DCHS2: variants seen among roughly 807,000 people sequenced by gnomAD.
DCHS2 encodes the protein dachsous cadherin-related 2, also known as protocadherin-23.
In DCHS2, 142 loss-of-function variants were observed where a neutral mutation model predicts 182.4. That is an observed-to-expected ratio of 0.78 (90% CI 0.68 to 0.89). The LOEUF (loss-of-function observed/expected upper bound fraction) is 0.89, where lower values mean the gene tolerates loss of function less well. Among genes scored for constraint, DCHS2 ranks in the 40% least tolerant of loss-of-function variants. The pLI is 0.00. For missense variants in DCHS2, 4,319 were observed against 4,198.6 expected (o/e 1.03, Z -0.79); for synonymous variants, 1,740 against 1,663.3 (o/e 1.05, Z -1.12).
At chr4:154,414,165 A>G (rs1732736775) in intron 1 of DCHS2, among the ~76,000 whole-genome samples, 1 of 149,110 alleles carries the variant, frequency 6.7e-6, no homozygotes, top group African/African-American at 2.5e-5. Flanking sequence ...GAAGAAATAA[A>G]TCAAATAAAT....
chr4:154,297,768 T>C lies in DCHS2; in HGVS notation c.6463+83A>G, dbSNP rs1250833805. On this transcript the variant is annotated intron_variant, in intron 13 of 19. Coordinates refer to ENST00000357232, the MANE Select transcript of DCHS2 (RefSeq NM_001358235.2). ...AAAAAATGTATAACTGAATGCGCAA[T>C]GGCACTCTTGTAGTATAATCCGTAC... 36 of 1,517,156 alleles carry C rather than the reference T, an allele frequency of 2.4e-5. 1 individual carries two copies. The East Asian group carries it at 6.4e-4, about 27-fold the overall frequency. 94.0% of individuals were successfully genotyped at this position (1,517,156 alleles called of 1,614,324 possible).
rs114001575 is a variant in DCHS2, at chr4:154,473,543, C to T, written c.2052+15761G>A. Among the ~76,000 whole-genome samples, 517 of 152,114 alleles carry T rather than the reference C, an allele frequency of 3.4e-3. 1 individual carries two copies. The highest frequency in any genetic ancestry group is 6.0e-3 in the Non-Finnish European group (408 of 67,996). On this transcript the variant is annotated intron_variant, in intron 1 of 19. Transcript: ENST00000357232. ...GGTGCGCCTTGCCCAATTTTGATAG[C>T]AAATGGACAAATGTAGTGGATACAG...
Position 154,333,073 on chromosome 4 carries a change from C to A in DCHS2, c.3135G>T (p.Glu1045Asp). 1 of 1,614,042 alleles carries A rather than the reference C, an allele frequency of 6.2e-7. No individual in the cohort carries two copies. Among genetic ancestry groups the A allele is most frequent in the Non-Finnish European group, 8.5e-7 (1 of 1,179,962 alleles). The part of the protein sequence containing the change: ...LFLNGSLGAG[E>D]QRELTLTLRA... Reference sequence around the variant, plus strand: ...TGAGAGTCAGCGTGAGCTCCCGCTGCTCGCCCGCGCCCAGGCTGCCGTTGA... The same window carrying A: ...TGAGAGTCAGCGTGAGCTCCCGCTGATCGCCCGCGCCCAGGCTGCCGTTGA... The change falls in exon 5 of 20, where the codon GAG becomes GAT. Residue 1045 changes from glutamate (E) to aspartate (D), a missense_variant. Glu to Asp is a conservative substitution (Grantham distance 45, BLOSUM62 2). Coordinates refer to ENST00000357232, the MANE Select transcript of DCHS2 (RefSeq NM_001358235.2).
At chr4:154,277,208 G>A (rs1561005279) in intron 13 of DCHS2, among the ~76,000 whole-genome samples, 2 of 152,124 alleles carry the variant, frequency 1.3e-5, no homozygotes, top group Non-Finnish European at 2.9e-5. Flanking sequence ...TTCTCCACTG[G>A]GATGGAAAGA....
chr4:154,315,282 T>C (rs752977872), intron 10 of DCHS2, among the ~76,000 whole-genome samples: 1 of 152,172 alleles, frequency 6.6e-6, no homozygotes, highest in Non-Finnish European at 1.5e-5. Context: ...ATTAGTAACT[T>C]GTTCAAGGTC....
intron 15 of DCHS2, 22 bp from the exon 16 acceptor site, chr4:154,255,692 A>G: frequency 1.2e-6 from 2 of 1,607,834 alleles, no homozygotes; most frequent in South Asian, 2.2e-5. Context: ...CGACTGTTTC[A>G]TTAGATAAGA....
chr4:154,236,245 C>T lies in DCHS2; in HGVS notation c.8407G>A (p.Glu2803Lys). 6.2e-7 allele frequency: 1 copy of T among 1,614,024 alleles called. No individual in the cohort carries two copies. The highest frequency in any genetic ancestry group is 8.5e-7 in the Non-Finnish European group (1 of 1,179,978). ...ALDFDAGPYG[E>K]LTYSIVSPCF... ...GGTGATACAATAGAATAGGTCAATT[C>T]TCCATACGGACCAGCATCAAAATCC... Residue 2803 changes from glutamate (E) to lysine (K), a missense_variant, in exon 20 of 20, where the codon GAA (glutamate) becomes AAA (lysine). Transcript: ENST00000357232.
At chr4:154,443,657 T>C (rs773632097) in intron 1 of DCHS2, among the ~76,000 whole-genome samples, 6 of 152,240 alleles carry the variant, frequency 3.9e-5, no homozygotes, top group Non-Finnish European at 7.3e-5. Flanking sequence ...TCCAGGACTC[T>C]GCACCTGCAA....
At chr4:154,401,138 CT>C (rs1732160074) in intron 1 of DCHS2, among the ~76,000 whole-genome samples, 1 of 152,206 alleles carries the variant, frequency 6.6e-6, no homozygotes, top group Non-Finnish European at 1.5e-5. Context: ...TCGTCCTTAA[CT>C]TTACATAATG....
At chr4:154,348,357 C>T (rs376442608) in intron 3 of DCHS2, among the ~76,000 whole-genome samples, 1 of 151,762 alleles carries the variant, frequency 6.6e-6, no homozygotes, top group Non-Finnish European at 1.5e-5. Flanking sequence ...CTCACAGTTG[C>T]GGGAGTACCA....
intron 17 of DCHS2, 27 bp from the exon 18 acceptor site, chr4:154,240,850 C>A: frequency 6.2e-7 from 1 of 1,608,628 alleles, no homozygotes; most frequent in Non-Finnish European, 8.5e-7. Flanking sequence ...CAGTGTCAGT[C>A]TCCATTAAAA....
intron 1 of DCHS2, among the ~76,000 whole-genome samples, chr4:154,429,690 G>GT (rs202180606): frequency 8.2e-4 from 120 of 146,790 alleles, no homozygotes; most frequent in Middle Eastern, 6.9e-3. Context: ...CTTCCCATAA[G>GT]TTTTTTTTTT....
intron 1 of DCHS2, among the ~76,000 whole-genome samples, chr4:154,468,088 C>A (rs1735310136): frequency 6.6e-6 from 1 of 152,106 alleles, no homozygotes; most frequent in Admixed American, 6.5e-5. Context: ...CCACAGTTTT[C>A]TCTGATTAGT....
intron 3 of DCHS2, among the ~76,000 whole-genome samples, chr4:154,342,069 C>CA (rs928979517): frequency 3.3e-5 from 5 of 150,828 alleles, no homozygotes; most frequent in East Asian, 1.9e-4. Flanking sequence ...GCCAATACTG[C>CA]AAAAAAAAGT....
intron 1 of DCHS2, among the ~76,000 whole-genome samples, chr4:154,444,265 A>G (rs1227276299): frequency 1.3e-5 from 2 of 152,194 alleles, no homozygotes; most frequent in East Asian, 1.9e-4. Context: ...ATTCAGATGT[A>G]TATATCCAAC....
chr4:154,232,159 A>C lies in DCHS2; in HGVS notation c.*2377T>G, dbSNP rs1731229037. 6.6e-6 allele frequency: 1 copy of C among 152,164 alleles called. No individual in the cohort carries two copies. The highest frequency in any genetic ancestry group is 2.4e-5 in the African/African-American group (1 of 41,448). 9.4% of individuals were successfully genotyped at this position (152,164 alleles called of 1,614,324 possible). On this transcript the variant is annotated 3_prime_UTR_variant, in exon 20 of 20. Transcript: ENST00000357232. ...AAGCCAGTGCATAGATCAGCAAAGT[A>C]ACCCAGAACATATGAGGCAAGTTAA...
intron 10 of DCHS2, among the ~76,000 whole-genome samples, chr4:154,311,047 A>C (rs1735653015): frequency 6.6e-6 from 1 of 152,170 alleles, no homozygotes; most frequent in African/African-American, 2.4e-5. Flanking sequence ...TGGTCCTTTA[A>C]AGGAAAAAGT....
intron 1 of DCHS2, among the ~76,000 whole-genome samples, chr4:154,407,954 C>T (rs920958635): frequency 6.6e-6 from 1 of 152,110 alleles, no homozygotes; most frequent in Non-Finnish European, 1.5e-5. Context: ...TAACTAGACC[C>T]TCCCTGCTGC....
chr4:154,358,892 T>A (rs1729990409), intron 3 of DCHS2, among the ~76,000 whole-genome samples: 1 of 151,716 alleles, frequency 6.6e-6, no homozygotes, highest in African/African-American at 2.4e-5. Context: ...TTATTAATTG[T>A]TTACTATATA....
Sources: allele counts gnomAD v4.1 joint callset (sites outside exome capture counted in the v4.1 genomes callset), GRCh38; gene constraint gnomAD v4.1.1; transcripts MANE v1.5; gene names NCBI Gene and HGNC (gene_info 2026-07-23, HGNC 2026-07-21).